The following LRRTM4 variants were observed in gnomAD, a reference collection of about 807,000 sequenced individuals.
The protein encoded by LRRTM4 is leucine-rich repeat transmembrane neuronal protein 4.
A neutral mutation model predicts 47.6 loss-of-function variants in LRRTM4; 25 were observed. The ratio of observed to expected loss-of-function variants is 0.53; its 90% CI spans 0.38 to 0.73. The LOEUF (loss-of-function observed/expected upper bound fraction) is 0.73. LRRTM4 is among the 30% of genes least tolerant of loss of function. The probability of loss-of-function intolerance (pLI) is 0.00; values close to 1 mark genes in which losing one functional copy is unlikely to be tolerated. For synonymous variants in LRRTM4, 311 were observed against 269.5 expected (o/e 1.15, Z -1.51); for missense variants, 638 against 713.4 (o/e 0.89, Z 1.20).
chr2:77,132,893 T>A (rs1305347116), intron 3 of LRRTM4, among the ~76,000 whole-genome samples: 7 of 152,054 alleles, frequency 4.6e-5, no homozygotes, highest in Non-Finnish European at 7.4e-5. Flanking sequence ...GGAGTAGGTG[T>A]AGAACATTGG....
chr2:77,310,053 A>G (rs1355917333), intron 3 of LRRTM4, among the ~76,000 whole-genome samples: 1 of 152,284 alleles, frequency 6.6e-6, no homozygotes, highest in Non-Finnish European at 1.5e-5. Flanking sequence ...TACAAAAAAA[A>G]CTTTTTTTGG....
intron 3 of LRRTM4, among the ~76,000 whole-genome samples, chr2:76,767,197 G>T (rs1164918199): frequency 3.9e-5 from 6 of 152,128 alleles, no homozygotes; most frequent in Non-Finnish European, 8.8e-5. Context: ...CTGGCATTCT[G>T]ACTGACATGT....
chr2:77,509,169 T>C (rs1573509008), intron 3 of LRRTM4, among the ~76,000 whole-genome samples: 3 of 149,196 alleles, frequency 2.0e-5, no homozygotes, highest in Non-Finnish European at 4.4e-5. Context: ...GAGGTGGAGG[T>C]TGCAGTGAGC....
chr2:77,117,276 A>C (rs1043004607), intron 3 of LRRTM4, among the ~76,000 whole-genome samples: 1 of 152,074 alleles, frequency 6.6e-6, no homozygotes, highest in African/African-American at 2.4e-5. Context: ...AAAATAGAAA[A>C]TAGTTTTTGA....
intron 3 of LRRTM4, among the ~76,000 whole-genome samples, chr2:77,391,460 T>C (rs1393998391): frequency 6.6e-6 from 1 of 152,018 alleles, no homozygotes; most frequent in East Asian, 1.9e-4. Flanking sequence ...GTTAAGGAAT[T>C]CTTTCTCTGT....
intron 3 of LRRTM4, among the ~76,000 whole-genome samples, chr2:76,761,315 C>G (rs1673246305): frequency 6.6e-6 from 1 of 152,182 alleles, no homozygotes; most frequent in African/African-American, 2.4e-5. Context: ...ACTAATTATT[C>G]TGTATCACCA....
At chr2:76,938,080 TTCTTA>T (rs1445930745) in intron 3 of LRRTM4, among the ~76,000 whole-genome samples, 3 of 152,044 alleles carry the variant, frequency 2.0e-5, no homozygotes, top group East Asian at 1.9e-4. Context: ...TTTTCCTCTC[TTCTTA>T]TATTATTTTA....
intron 3 of LRRTM4, among the ~76,000 whole-genome samples, chr2:77,511,260 CTG>C (rs575267070): frequency 2.6e-5 from 4 of 152,008 alleles, no homozygotes; most frequent in Non-Finnish European, 5.9e-5. Flanking sequence ...TAGTACAGAA[CTG>C]TGTTTATTAA....
At chr2:76,869,651 T>A (rs979155716) in intron 3 of LRRTM4, among the ~76,000 whole-genome samples, 2 of 152,184 alleles carry the variant, frequency 1.3e-5, no homozygotes, top group African/African-American at 4.8e-5. Context: ...TTATGTGTGA[T>A]GTAAGTTAAC....
At chr2:76,976,517 T>C (rs1321060850) in intron 3 of LRRTM4, among the ~76,000 whole-genome samples, 3 of 151,954 alleles carry the variant, frequency 2.0e-5, no homozygotes, top group Middle Eastern at 6.8e-3. Flanking sequence ...TTGGTTCCTA[T>C]ACACCTCATT....
chr2:77,267,325 G>A (rs774146731), intron 3 of LRRTM4, among the ~76,000 whole-genome samples: 18 of 152,092 alleles, frequency 1.2e-4, no homozygotes, highest in East Asian at 3.9e-4. Flanking sequence ...TCATGGTTCC[G>A]GAGGCCCTCT....
intron 3 of LRRTM4, among the ~76,000 whole-genome samples, chr2:77,423,505 G>A (rs1273572812): frequency 2.0e-5 from 3 of 152,018 alleles, no homozygotes; most frequent in African/African-American, 7.2e-5. Flanking sequence ...GAAAAGTTCA[G>A]GGCTAGTAGC....
intron 3 of LRRTM4, among the ~76,000 whole-genome samples, chr2:77,514,344 T>A (rs2104111982): frequency 6.6e-6 from 1 of 152,192 alleles, no homozygotes; most frequent in East Asian, 1.9e-4. Context: ...AATATCAATA[T>A]CTAAAGTGTG....
chr2:77,495,578 G>A (rs1284167756), intron 3 of LRRTM4, among the ~76,000 whole-genome samples: 2 of 151,976 alleles, frequency 1.3e-5, no homozygotes, highest in Admixed American at 1.3e-4. Context: ...TGAGGCATGA[G>A]GTTGAGTGAT....
intron 3 of LRRTM4, among the ~76,000 whole-genome samples, chr2:77,007,355 A>T (rs1677694850): frequency 6.6e-6 from 1 of 152,186 alleles, no homozygotes; most frequent in South Asian, 2.1e-4. Context: ...GACACAGTGC[A>T]AAATATTCTA....
intron 3 of LRRTM4, among the ~76,000 whole-genome samples, chr2:77,065,763 C>T (rs563280112): frequency 9.2e-5 from 14 of 152,214 alleles, no homozygotes; most frequent in Admixed American, 5.9e-4. Context: ...AGTCTCCCCC[C>T]ATTAGTTAAC....
chr2:76,861,070 TCTTA>T (rs563042620), intron 3 of LRRTM4, among the ~76,000 whole-genome samples: 135 of 152,252 alleles, frequency 8.9e-4, no homozygotes, highest in Non-Finnish European at 1.6e-3. Context: ...AATAGGAAGA[TCTTA>T]CTTACTATTT....
intron 3 of LRRTM4, among the ~76,000 whole-genome samples, chr2:77,309,751 C>A (rs1461471659): frequency 1.3e-5 from 2 of 152,002 alleles, no homozygotes; most frequent in African/African-American, 4.8e-5. Flanking sequence ...AGGCTAAAAG[C>A]ACGAGAAATA....
chr2:76,895,336 C>T (rs1673377483), intron 3 of LRRTM4, among the ~76,000 whole-genome samples: 2 of 151,988 alleles, frequency 1.3e-5, no homozygotes, highest in African/African-American at 4.8e-5. Context: ...TACCCTTTAT[C>T]CATGAGAACG....
Sources: allele counts gnomAD v4.1 joint callset (sites outside exome capture counted in the v4.1 genomes callset), GRCh38; gene constraint gnomAD v4.1.1; transcripts MANE v1.5; gene names NCBI Gene and HGNC (gene_info 2026-07-23, HGNC 2026-07-21).